CLNK: variants seen among roughly 807,000 people sequenced by gnomAD.
CLNK encodes cytokine-dependent hematopoietic cell linker.
A neutral mutation model predicts 68.6 loss-of-function variants in CLNK; 74 were observed. The observed-to-expected ratio is 1.08, with a 90% CI of 0.89 to 1.31. The LOEUF is 1.31. CLNK is among the 50% of genes most tolerant of loss of function. The probability of loss-of-function intolerance (pLI) is 0.00; values close to 1 mark genes in which losing one functional copy is unlikely to be tolerated. For missense variants in CLNK, 553 were observed against 515.3 expected (o/e 1.07, Z -0.71); for synonymous variants, 198 against 172.2 (o/e 1.15, Z -1.17).
chr4:10,516,031 C>A (rs1458661735), intron 15 of CLNK, among the ~76,000 whole-genome samples: 1 of 152,056 alleles, frequency 6.6e-6, no homozygotes, highest in Non-Finnish European at 1.5e-5. Context: ...AACATATTAT[C>A]ATTGCATGTC....
At chr4:10,620,804 G>T (rs937560934) in intron 2 of CLNK, among the ~76,000 whole-genome samples, 2 of 151,972 alleles carry the variant, frequency 1.3e-5, no homozygotes, top group Admixed American at 1.3e-4. Context: ...GCTGAGGAGG[G>T]TAAAAACTCT....
chr4:10,552,135 T>C (rs759933222), intron 8 of CLNK, among the ~76,000 whole-genome samples: 2 of 152,034 alleles, frequency 1.3e-5, no homozygotes, highest in Non-Finnish European at 1.5e-5. Context: ...GGATTACAGG[T>C]GTGAGCCACC....
the CLNK span, among the ~76,000 whole-genome samples, chr4:10,734,701 GC>G: frequency 6.6e-6 from 1 of 152,060 alleles, no homozygotes; most frequent in South Asian, 2.1e-4. Flanking sequence ...TCCCTTTCTG[GC>G]CCCCTTGTAA....
intron 2 of CLNK, among the ~76,000 whole-genome samples, chr4:10,624,540 C>A (rs1025234232): frequency 6.6e-6 from 1 of 151,692 alleles, no homozygotes; most frequent in African/African-American, 2.4e-5. Context: ...GATCTGCCTG[C>A]CTTAGCCTCC....
At chr4:10,521,963 A>G (rs1325297129) in intron 14 of CLNK, among the ~76,000 whole-genome samples, 1 of 152,216 alleles carries the variant, frequency 6.6e-6, no homozygotes, top group African/African-American at 2.4e-5. Context: ...CAAAATAATG[A>G]AAATGAAAAT....
intron 2 of CLNK, among the ~76,000 whole-genome samples, chr4:10,631,120 C>T (rs181965340): frequency 6.6e-6 from 1 of 151,994 alleles, no homozygotes; most frequent in Admixed American, 6.6e-5. Context: ...CCTTCTGTGT[C>T]TCTCCTGCTC....
intron 2 of CLNK, among the ~76,000 whole-genome samples, chr4:10,652,381 C>CAAAAAAAAAA (rs67304153): frequency 3.9e-5 from 2 of 50,738 alleles, no homozygotes; most frequent in Non-Finnish European, 6.8e-5. Flanking sequence ...GACTCTGTCT[C>CAAAAAAAAAA]AAAAAAAAAA....
chr4:10,553,082 C>G (rs915004727), intron 8 of CLNK, among the ~76,000 whole-genome samples: 7 of 152,072 alleles, frequency 4.6e-5, no homozygotes, highest in South Asian at 4.1e-4. Flanking sequence ...GAAGCATTTA[C>G]GTTCACAAGC....
intron 4 of CLNK, among the ~76,000 whole-genome samples, chr4:10,581,019 C>T (rs767075317): frequency 1.3e-5 from 2 of 152,040 alleles, no homozygotes; most frequent in Non-Finnish European, 2.9e-5. Flanking sequence ...ACAGGTGTAC[C>T]CCTTTTATCT....
chr4:10,621,960 G>A (rs965234609), intron 2 of CLNK, among the ~76,000 whole-genome samples: 4 of 152,156 alleles, frequency 2.6e-5, no homozygotes, highest in South Asian at 2.1e-4. Flanking sequence ...AATGTACACC[G>A]TTAAGTGGTT....
At chr4:10,536,919 T>A (rs1718782809) in intron 11 of CLNK, among the ~76,000 whole-genome samples, 1 of 151,446 alleles carries the variant, frequency 6.6e-6, no homozygotes, top group Admixed American at 6.6e-5. Context: ...GGCAATTGAG[T>A]GAGCATTATG....
intron 1 of CLNK, among the ~76,000 whole-genome samples, chr4:10,684,167 T>C (rs1725184866): frequency 2.0e-5 from 3 of 152,200 alleles, no homozygotes; most frequent in Admixed American, 2.0e-4. Context: ...TGGAAGGATG[T>C]CTGCGTGATT....
At position 10,508,013 on chromosome 4, in the gene CLNK, G is replaced by A. The variant is rs769252961; in HGVS notation, c.930C>T (p.Tyr310=). ...CTGCCTGGCGGCTGTATTCTCCAAT[G>A]TACCATTCATTGTGCTGGACATCCT... ...DRKDVQHNEW[Y]IGEYSRQAVE... is the part of the protein sequence containing the mutation. Residue 310 remains tyrosine (Y), a synonymous_variant, in exon 17 of 19, where the codon TAC becomes TAT. Coordinates refer to ENST00000226951, the MANE Select transcript of CLNK (RefSeq NM_052964.4). 13 of 1,611,266 alleles carry A rather than the reference G, an allele frequency of 8.1e-6. 2 individuals are homozygous for A. The South Asian group carries it at 1.0e-4, about 12-fold the overall frequency.
chr4:10,593,298 G>A (rs1301570512), intron 3 of CLNK, among the ~76,000 whole-genome samples: 1 of 152,070 alleles, frequency 6.6e-6, no homozygotes, highest in Non-Finnish European at 1.5e-5. Context: ...GTTATGGCCA[G>A]CAGGTTCCTG....
intron 2 of CLNK, among the ~76,000 whole-genome samples, chr4:10,658,509 G>T (rs1724067774): frequency 6.6e-6 from 1 of 152,216 alleles, no homozygotes; most frequent in Non-Finnish European, 1.5e-5. Flanking sequence ...GTTTCATTCA[G>T]ATGGTTATTT....
the CLNK span, among the ~76,000 whole-genome samples, chr4:10,704,403 T>A: frequency 6.6e-6 from 1 of 152,244 alleles, no homozygotes; most frequent in African/African-American, 2.4e-5. Flanking sequence ...ATTCTTGATA[T>A]TTTTTATAGG....
intron 3 of CLNK, among the ~76,000 whole-genome samples, chr4:10,588,560 T>TTCAA (rs1255202129): frequency 1.3e-5 from 2 of 152,174 alleles, no homozygotes; most frequent in African/African-American, 4.8e-5. Flanking sequence ...CTAAGATAGG[T>TTCAA]TCAACTCTGG....
rs531705702 is a variant in CLNK at position 10,646,192 on chromosome 4, T to C, written c.11+21667A>G. On this transcript the variant is annotated intron_variant, in intron 2 of 18. Coordinates refer to ENST00000226951, the MANE Select transcript of CLNK (RefSeq NM_052964.4). ...GACCATTATGCCTTGTATACCTGTATCAAAATATCACCCATACTCTCAAAA... is the reference window on the plus strand; with the variant it reads ...GACCATTATGCCTTGTATACCTGTACCAAAATATCACCCATACTCTCAAAA... Among the ~76,000 whole-genome samples the C allele has an allele frequency of 5.3e-5, 8 of 152,284 alleles. No homozygotes were observed. In the South Asian group the frequency reaches 1.7e-3, roughly 32 times the overall value.
chr4:10,718,832 AATAT>A, the CLNK span, among the ~76,000 whole-genome samples: 2 of 152,072 alleles, frequency 1.3e-5, no homozygotes. Flanking sequence ...CAACCCGTCT[AATAT>A]GTTCTAAATG....
Sources: gnomAD v4.1 joint callset for allele counts (sites outside exome capture counted in the v4.1 genomes callset) on GRCh38, gnomAD v4.1.1 for gene constraint, MANE v1.5 for transcripts, NCBI Gene and HGNC (gene_info 2026-07-23, HGNC 2026-07-21) for gene names.